Variants in ARHGEF28 observed in about 807,000 individuals in gnomAD.
ARHGEF28 encodes 190 kDa guanine nucleotide exchange factor.
Under a neutral mutation model 206.6 loss-of-function variants are expected in ARHGEF28, and 152 were observed. That is an observed-to-expected ratio of 0.74 (90% CI 0.64 to 0.84). The LOEUF is 0.84. ARHGEF28 is among the 40% of genes least tolerant of loss of function. The pLI is 0.00. For synonymous variants in ARHGEF28, 763 were observed against 776.4 expected (o/e 0.98, Z 0.29); for missense variants, 2,028 against 2,073.2 (o/e 0.98, Z 0.42).
At chr5:73,737,513 T>C (rs1399577152) in intron 2 of ARHGEF28, among the ~76,000 whole-genome samples, 2 of 130,962 alleles carry the variant, frequency 1.5e-5, no homozygotes, top group Non-Finnish European at 3.2e-5. Context: ...TTTTCTTTTC[T>C]TTTCTTTTCT....
intron 35 of ARHGEF28, among the ~76,000 whole-genome samples, chr5:73,938,761 T>C (rs1422183538): frequency 6.6e-6 from 1 of 152,182 alleles, no homozygotes. Context: ...ACAGGCATGC[T>C]TTGTCTCCCA....
At chr5:73,685,516 G>C (rs1000378119) in intron 2 of ARHGEF28, among the ~76,000 whole-genome samples, 1 of 152,206 alleles carries the variant, frequency 6.6e-6, no homozygotes, top group Non-Finnish European at 1.5e-5. Flanking sequence ...GGAAGGAACT[G>C]TGTTGGTGTG....
chr5:73,929,847 A>G (rs955775198), intron 35 of ARHGEF28, among the ~76,000 whole-genome samples: 18 of 152,154 alleles, frequency 1.2e-4, no homozygotes, highest in African/African-American at 4.3e-4. Flanking sequence ...CTACATATTT[A>G]TATCTAAAAA....
chr5:73,808,501 G>C lies in ARHGEF28; in HGVS notation c.1024+13110G>C, dbSNP rs1018781497. On this transcript the variant is annotated intron_variant, in intron 9 of 35. Transcript: ENST00000513042. ...TTCACCGGGTGCCTGGCCATAGTTA[G>C]ATCCACAGAAGGACTGTTTGTGTTG... is the stretch of plus-strand genomic sequence containing the variant. 5.9e-5 allele frequency among the ~76,000 whole-genome samples: 9 copies of C among 152,286 alleles called. No homozygotes were observed. The East Asian group carries it at 1.7e-3, about 29-fold the overall frequency.
At chr5:73,699,593 G>A (rs537621049) in intron 2 of ARHGEF28, among the ~76,000 whole-genome samples, 3 of 152,152 alleles carry the variant, frequency 2.0e-5, no homozygotes, top group Admixed American at 2.0e-4. Context: ...CTCTTTGTGG[G>A]CCATCTGGGT....
Position 73,723,466 on chromosome 5 carries a change from G to C in ARHGEF28, c.34-26371G>C, listed in dbSNP as rs183003185. The stretch of plus-strand genomic sequence containing the variant: ...CTCCCAAAGTGTTGGGATTACAGGC[G>C]TGAGCCACCACACCCAGCCCCAAGA... On this transcript the variant is annotated intron_variant, in intron 2 of 35. Coordinates refer to ENST00000513042, the MANE Select transcript of ARHGEF28 (RefSeq NM_001177693.2). Among the ~76,000 whole-genome samples the C allele has an allele frequency of 7.7e-4, 117 of 152,298 alleles. 1 individual carries two copies. Among genetic ancestry groups the C allele is most frequent in the African/African-American group, 2.8e-3 (115 of 41,564 alleles).
chr5:73,734,869 T>A (rs565060139), intron 2 of ARHGEF28, among the ~76,000 whole-genome samples: 4 of 152,310 alleles, frequency 2.6e-5, no homozygotes, highest in African/African-American at 9.6e-5. Flanking sequence ...GACTTTCATT[T>A]ATAAAATGGA....
chr5:73,722,184 A>G (rs542962275), intron 2 of ARHGEF28, among the ~76,000 whole-genome samples: 1 of 151,172 alleles, frequency 6.6e-6, no homozygotes, highest in South Asian at 2.1e-4. Context: ...CGTCGTGAAT[A>G]TGTAACAATA....
intron 9 of ARHGEF28, among the ~76,000 whole-genome samples, chr5:73,808,353 T>C (rs2112513120): frequency 6.6e-6 from 1 of 152,314 alleles, no homozygotes; most frequent in African/African-American, 2.4e-5. Flanking sequence ...AGTGGGACAC[T>C]GCAGATGTGA....
intron 33 of ARHGEF28, among the ~76,000 whole-genome samples, chr5:73,907,585 A>G (rs283619): frequency 0.34 from 50,999 of 152,052 alleles, 8,752 homozygotes; most frequent in Admixed American, 0.36. Flanking sequence ...AGGAAAATAG[A>G]GTTAGAAATG....
At chr5:73,759,597 T>C (rs892216689) in intron 4 of ARHGEF28, among the ~76,000 whole-genome samples, 8 of 152,222 alleles carry the variant, frequency 5.3e-5, no homozygotes, top group Non-Finnish European at 1.2e-4. Flanking sequence ...CAGTTCTTTT[T>C]TTCCCCTAAA....
intron 2 of ARHGEF28, among the ~76,000 whole-genome samples, chr5:73,725,508 C>T (rs1750217973): frequency 1.3e-5 from 2 of 150,946 alleles, no homozygotes; most frequent in Non-Finnish European, 3.0e-5. Flanking sequence ...ACTGTAAGAA[C>T]ATTATTGTCC....
chr5:73,789,109 AAAC>A (rs140292939), intron 7 of ARHGEF28, among the ~76,000 whole-genome samples: 2,511 of 152,336 alleles, frequency 0.016, 64 homozygotes, highest in African/African-American at 0.058. Flanking sequence ...CAAAAAGTGG[AAAC>A]AACTCAGATA....
Position 73,904,141 on chromosome 5 carries a change from G to A in ARHGEF28, c.4075-81G>A, listed in dbSNP as rs1762420773. ...AGAGATAGCAAAGTGATTTACCCAAGGTCATACATTTTGGGACACTGCAGG... is the reference window on the plus strand; with the variant it reads ...AGAGATAGCAAAGTGATTTACCCAAAGTCATACATTTTGGGACACTGCAGG... On this transcript the variant is annotated intron_variant, in intron 31 of 35. Coordinates refer to ENST00000513042, the MANE Select transcript of ARHGEF28 (RefSeq NM_001177693.2). 7 of 1,366,178 alleles carry A rather than the reference G, an allele frequency of 5.1e-6. No individual in the cohort carries two copies. The South Asian group carries it at 5.9e-5, about 12-fold the overall frequency. 84.6% of individuals were successfully genotyped at this position (1,366,178 alleles called of 1,614,324 possible). A position where few individuals can be genotyped will look rare whatever the true frequency, so the allele number is the denominator to read the frequency against.
At chr5:73,758,773 G>A (rs992105826) in intron 4 of ARHGEF28, among the ~76,000 whole-genome samples, 2 of 152,186 alleles carry the variant, frequency 1.3e-5, no homozygotes, top group South Asian at 2.1e-4. Context: ...GTCTGGTCTC[G>A]AACTCCTGAC....
Position 73,868,126 on chromosome 5 carries a change from A to G in ARHGEF28, c.2324A>G (p.Glu775Gly), listed in dbSNP as rs748742331. The G allele has an allele frequency of 1.2e-6, 2 of 1,611,310 alleles. No homozygotes were observed. Among genetic ancestry groups the G allele is most frequent in the Non-Finnish European group, 1.7e-6 (2 of 1,178,722 alleles). ...ESFRRSATSL[E>G]SESDHNSCRS... ...TTCAGGAGGTCAGCCACATCCTTGGAGTCTGAGAGTGACCATAACAGCTGC... is the reference window on the plus strand; with the variant it reads ...TTCAGGAGGTCAGCCACATCCTTGGGGTCTGAGAGTGACCATAACAGCTGC... The change falls in exon 20 of 36, where the codon GAG becomes GGG. Residue 775 changes from glutamate to glycine, a missense_variant. Glu to Gly is a moderately conservative substitution (Grantham distance 98, BLOSUM62 -2). Transcript: ENST00000513042.
In ARHGEF28 at chr5:73,634,215, T is replaced by A. The variant is rs75320386; in HGVS notation, c.-12+7893T>A. ...TGAAATCTAGGGCAGAGCCATTTGA[T>A]GTGTCTATGCAAACTTCAGTTCAGG... On this transcript the variant is annotated intron_variant, in intron 1 of 35. Transcript: ENST00000513042. 5.3e-3 allele frequency among the ~76,000 whole-genome samples: 811 copies of A among 152,328 alleles called. 4 individuals are homozygous for A. The highest frequency in any genetic ancestry group is 0.018 in the African/African-American group (760 of 41,564).
chr5:73,803,903 A>G (rs565606446), intron 9 of ARHGEF28, among the ~76,000 whole-genome samples: 1 of 152,186 alleles, frequency 6.6e-6, no homozygotes, highest in South Asian at 2.1e-4. Context: ...CCTGGGCAAC[A>G]TAGTGAGACC....
chr5:73,739,864 T>TAAAA (rs1258172356), intron 2 of ARHGEF28, among the ~76,000 whole-genome samples: 3 of 132,984 alleles, frequency 2.3e-5, no homozygotes, highest in African/African-American at 6.1e-5. Context: ...AATAAATAAA[T>TAAAA]AAAAATAAAA....
Sources: allele counts gnomAD v4.1 joint callset (sites outside exome capture counted in the v4.1 genomes callset), GRCh38; gene constraint gnomAD v4.1.1; transcripts MANE v1.5; gene names NCBI Gene and HGNC (gene_info 2026-07-23, HGNC 2026-07-21).